Variants in ZSCAN5A observed in about 807,000 individuals in gnomAD.
ZSCAN5A encodes zinc finger and SCAN domain containing 5A, also known as zinc finger and SCAN domain-containing protein 5A.
A neutral mutation model predicts 23.7 loss-of-function variants in ZSCAN5A; 12 were observed. That is an observed-to-expected ratio of 0.51 (90% CI 0.32 to 0.82). The LOEUF (loss-of-function observed/expected upper bound fraction) is 0.82, where lower values mean the gene tolerates loss of function less well. ZSCAN5A is among the 40% of genes least tolerant of loss of function. ZSCAN5A has a pLI of 0.03. For missense variants in ZSCAN5A, 597 were observed against 617.9 expected, an observed-to-expected ratio of 0.97 and a Z score of 0.36; for synonymous variants, 257 against 239.9, an observed-to-expected ratio of 1.07 and a Z score of -0.66.
At chr19:56,302,551 C>G (rs1395932979) in intron 2 of ZSCAN5A, among the ~76,000 whole-genome samples, 1 of 40,016 alleles carries the variant, frequency 2.5e-5, no homozygotes, top group Non-Finnish European at 8.0e-5. Flanking sequence ...CCCCGTTCCT[C>G]CCTCCCTCCC....
At chr19:56,330,662 A>G (rs1006630034) in intron 2 of ZSCAN5A, among the ~76,000 whole-genome samples, 4 of 152,178 alleles carry the variant, frequency 2.6e-5, no homozygotes, top group African/African-American at 7.2e-5. Flanking sequence ...TCTTTTGCCT[A>G]CTTTTAAGGG....
chr19:56,284,321 T>C (rs752856100), intron 2 of ZSCAN5A: 6 of 260,578 alleles, frequency 2.3e-5, no homozygotes, highest in Non-Finnish European at 3.6e-5. Flanking sequence ...TGGTGGGTTT[T>C]AGATGATAAA....
intron 2 of ZSCAN5A, among the ~76,000 whole-genome samples, chr19:56,306,145 G>A (rs1239009195): frequency 6.6e-6 from 1 of 152,202 alleles, no homozygotes; most frequent in Non-Finnish European, 1.5e-5. Flanking sequence ...GACATGAAGT[G>A]TAGAGGCCAG....
upstream of ZSCAN5A, among the ~76,000 whole-genome samples, chr19:56,318,915 C>T (rs1416363891): frequency 1.3e-5 from 2 of 152,144 alleles, no homozygotes; most frequent in East Asian, 3.8e-4. Context: ...CCAGCATTAT[C>T]ATTATTGTTA....
At chr19:56,247,936 C>T (rs898470586) in intron 2 of ZSCAN5A, among the ~76,000 whole-genome samples, 8 of 152,142 alleles carry the variant, frequency 5.3e-5, no homozygotes, top group South Asian at 2.1e-4. Flanking sequence ...GTGATCCGCC[C>T]GCCTCACCCT....
Position 56,268,120 on chromosome 19 carries a change from T to C in ZSCAN5A, c.-127-42947A>G, listed in dbSNP as rs140381845. ...ACTCCAAGGGCTCCTCTATCTAGGATAGATGTGAAGGAACTGACTGGAGAG... is the reference window on the plus strand; with the variant it reads ...ACTCCAAGGGCTCCTCTATCTAGGACAGATGTGAAGGAACTGACTGGAGAG... On this transcript the variant is annotated intron_variant, in intron 2 of 5. Coordinates refer to ENST00000683990, the MANE Select transcript of ZSCAN5A (RefSeq NM_001322064.3). Among the ~76,000 whole-genome samples the C allele has an allele frequency of 2.3e-3, 345 of 152,224 alleles. 2 individuals are homozygous for C. The highest frequency in any genetic ancestry group is 7.8e-3 in the African/African-American group (322 of 41,542).
At chr19:56,337,305 A>G (rs34668287) in intron 2 of ZSCAN5A, among the ~76,000 whole-genome samples, 29,630 of 152,120 alleles carry the variant, frequency 0.19, 3,809 homozygotes, top group African/African-American at 0.37. Flanking sequence ...CCCCAGCCTC[A>G]CTGCTGCCTT....
chr19:56,356,517 C>T (rs889420628), intron 2 of ZSCAN5A, among the ~76,000 whole-genome samples: 1 of 147,892 alleles, frequency 6.8e-6, no homozygotes, highest in Non-Finnish European at 1.5e-5. Context: ...ACAGAAGGAG[C>T]ACAGGCTGTT....
intron 2 of ZSCAN5A, among the ~76,000 whole-genome samples, chr19:56,288,961 T>A (rs901133800): frequency 6.6e-6 from 1 of 152,134 alleles, no homozygotes. Flanking sequence ...TCAAACTCCT[T>A]TAAGAAAATG....
intron 2 of ZSCAN5A, among the ~76,000 whole-genome samples, chr19:56,349,175 C>A (rs1428356095): frequency 6.6e-6 from 1 of 152,188 alleles, no homozygotes; most frequent in Non-Finnish European, 1.5e-5. Flanking sequence ...CCAGCAGGAA[C>A]CACCTCTATT....
chr19:56,255,317 C>T lies in ZSCAN5A; in HGVS notation c.-127-30144G>A, dbSNP rs149355804. 7.2e-5 allele frequency among the ~76,000 whole-genome samples: 11 copies of T among 152,220 alleles called. No homozygotes were observed. The East Asian group carries it at 9.6e-4, about 13-fold the overall frequency. On this transcript the variant is annotated intron_variant, in intron 2 of 5. Coordinates refer to ENST00000683990, the MANE Select transcript of ZSCAN5A (RefSeq NM_001322064.3). The stretch of plus-strand genomic sequence containing the variant: ...TATTGAGCAAAGCGTGGACAATAGC[C>T]GGCTGAGCGCACAAGGTGGGGAGTG...
At chr19:56,366,183 A>C (rs1181969603) in intron 1 of ZSCAN5A, among the ~76,000 whole-genome samples, 1 of 152,142 alleles carries the variant, frequency 6.6e-6, no homozygotes, top group Non-Finnish European at 1.5e-5. Flanking sequence ...TGGGCTCAGG[A>C]TAAGAGACTG....
At chr19:56,244,668 T>A (rs28630517) in intron 2 of ZSCAN5A, among the ~76,000 whole-genome samples, 85,925 of 138,232 alleles carry the variant, frequency 0.62, 27,230 homozygotes, top group Non-Finnish European at 0.69. Context: ...ACAAATAATC[T>A]TCCAGATTCC....
chr19:56,284,345 G>A, intron 2 of ZSCAN5A: 1 of 207,180 alleles, frequency 4.8e-6, no homozygotes, highest in Non-Finnish European at 8.5e-6. Context: ...ATGGTGCAAG[G>A]ATTTTGTGCA....
At chr19:56,319,394 G>A (rs764176599), upstream of ZSCAN5A, among the ~76,000 whole-genome samples, 38 of 145,250 alleles carry the variant, frequency 2.6e-4, no homozygotes, top group Non-Finnish European at 4.8e-4. Context: ...TACCCGGGGG[G>A]CTGAAGCAAA....
chr19:56,272,348 C>T (rs2037910964), intron 2 of ZSCAN5A, among the ~76,000 whole-genome samples: 1 of 152,222 alleles, frequency 6.6e-6, no homozygotes, highest in South Asian at 2.1e-4. Context: ...TCTGTCACAA[C>T]TACAAAGCTC....
chr19:56,286,702 G>A (rs1473178917), intron 2 of ZSCAN5A: 1 of 152,206 alleles, frequency 6.6e-6, no homozygotes, highest in Non-Finnish European at 1.5e-5. Flanking sequence ...GCCATTTTGA[G>A]AATTTCTCTC....
chr19:56,247,320 G>C (rs61741468), intron 2 of ZSCAN5A: 2,985 of 258,556 alleles, frequency 0.012, 85 homozygotes, highest in African/African-American at 0.064. Flanking sequence ...ATAAATGTAA[G>C]GACTGCAACC....
chr19:56,282,460 C>T (rs1054782202), intron 2 of ZSCAN5A: 38 of 984,926 alleles, frequency 3.9e-5, no homozygotes, highest in Non-Finnish European at 4.6e-5. Flanking sequence ...TACCATCGGT[C>T]CTGTCCTTCC....
Sources: gnomAD v4.1 joint callset for allele counts (sites outside exome capture counted in the v4.1 genomes callset) on GRCh38, gnomAD v4.1.1 for gene constraint, MANE v1.5 for transcripts, NCBI Gene and HGNC (gene_info 2026-07-23, HGNC 2026-07-21) for gene names.